Variants in EPPK1 observed in about 807,000 individuals in gnomAD.
EPPK1 encodes epiplakin 1, also known as epiplakin.
For missense variants in EPPK1, 3,823 were observed against 3,673.3 expected, an observed-to-expected ratio of 1.04 and a Z score of -1.05; for synonymous variants, 1,862 against 1,721.2, an observed-to-expected ratio of 1.08 and a Z score of -2.03.
chr8:143,867,068 C>T lies in EPPK1; in HGVS notation c.6186G>A (p.Lys2062=). The change falls in exon 2 of 2, where the codon AAG becomes AAA. Residue 2062 remains lysine, a synonymous_variant. Coordinates refer to ENST00000615648, the MANE Select transcript of EPPK1 (RefSeq NM_031308.4). ...TCTCCTGCAGCTCTCGGTACGAGAC[C>T]TTCTCTTGCGTGTTCGGGTCCACAA... ...KRFVDPNTQE[K]VSYRELQERC... 8 of 1,612,958 alleles carry T rather than the reference C, an allele frequency of 5.0e-6. No homozygotes were observed. Among genetic ancestry groups the T allele is most frequent in the Non-Finnish European group, 6.8e-6 (8 of 1,179,870 alleles).
chr8:143,878,404 G>GCCCGCACCCGCCGCACCTGC (rs1457228950), intron 1 of EPPK1, 34 bp downstream of exon 1: 6 of 67,420 alleles, frequency 8.9e-5, no homozygotes, highest in African/African-American at 3.0e-4. Context: ...GCCCGCACCC[G>GCCCGCACCCGCCGCACCTGC]CCGCACCCGC....
chr8:143,871,411 G>C lies in EPPK1; in HGVS notation c.1843C>G (p.Leu615Val). The C allele has an allele frequency of 6.2e-7, 1 of 1,604,784 alleles. No individual in the cohort carries two copies. Among genetic ancestry groups the C allele is most frequent in the Non-Finnish European group, 8.5e-7 (1 of 1,176,914 alleles). The change falls in exon 2 of 2, where the codon CTG becomes GTG. Residue 615 changes from leucine to valine, a missense_variant. By Grantham distance (32) the Leu-to-Val change is conservative. Coordinates refer to ENST00000615648, the MANE Select transcript of EPPK1 (RefSeq NM_031308.4). ...CGTTCCTGGGAGCCAGGGAGCAGCA[G>C]GCCAGCAATGCAGCCCGTACCCTGC... ...YLQGTGCIAG[L>V]LLPGSQERLS...
chr8:143,872,522 T>A lies in EPPK1; in HGVS notation c.732A>T (p.Ala244=). The A allele has an allele frequency of 6.2e-7, 1 of 1,600,692 alleles. No individual in the cohort carries two copies. The highest frequency in any genetic ancestry group is 1.1e-5 in the South Asian group (1 of 90,078). ...TFRSMGGAVS[A]AELLEVGILD... Reference sequence around the variant, plus strand: ...GGATGCCCACCTCCAGCAGCTCAGCTGCACTCACCGCCCCGCCCATGGAGC... The same window carrying A: ...GGATGCCCACCTCCAGCAGCTCAGCAGCACTCACCGCCCCGCCCATGGAGC... The change falls in exon 2 of 2, where the codon GCA becomes GCT. Residue 244 remains alanine (A), a synonymous_variant. Coordinates refer to ENST00000615648, the MANE Select transcript of EPPK1 (RefSeq NM_031308.4).
Position 143,869,491 on chromosome 8 carries a change from G to T in EPPK1, c.3763C>A (p.Pro1255Thr), listed in dbSNP as rs548952557. Reference protein sequence around the residue: ...TGCVAGVLLQPSGAKASIAQA... With the variant: ...TGCVAGVLLQTSGAKASIAQA... ...GCGATGCTGGCCTTGGCCCCAGAGG[G>T]CTGTAGCAGCACACCGGCCACGCAG... The change falls in exon 2 of 2, where the codon CCC (proline) becomes ACC (threonine). Residue 1255 changes from proline to threonine, a missense_variant. Pro to Thr is a conservative substitution (Grantham distance 38, BLOSUM62 -1). Coordinates refer to ENST00000615648, the MANE Select transcript of EPPK1 (RefSeq NM_031308.4). 12 of 1,548,338 alleles carry T rather than the reference G, an allele frequency of 7.8e-6. No homozygotes were observed. The South Asian group carries it at 1.2e-4, about 16-fold the overall frequency.
chr8:143,871,001 C>G lies in EPPK1; in HGVS notation c.2253G>C (p.Gln751His), dbSNP rs782682325. ...GGTCCAACAGGATCAAGTTCAGCATCTGATCGAAGTAGCCGCGCCGGTAGG... is the reference window on the plus strand; with the variant it reads ...GGTCCAACAGGATCAAGTTCAGCATGTGATCGAAGTAGCCGCGCCGGTAGG... The part of the protein sequence containing the change: ...DVAYRRGYFD[Q>H]MLNLILLDPS... Residue 751 changes from glutamine (Q) to histidine (H), a missense_variant, in exon 2 of 2, where the codon CAG (glutamine) becomes CAC (histidine). By Grantham distance (24) the Gln-to-His change is conservative. Coordinates refer to ENST00000615648, the MANE Select transcript of EPPK1 (RefSeq NM_031308.4). The G allele has an allele frequency of 6.2e-6, 10 of 1,613,266 alleles. No individual in the cohort carries two copies. In the African/African-American group the frequency reaches 1.1e-4, roughly 17 times the overall value.
Position 143,872,052 on chromosome 8 carries a change from G to T in EPPK1, c.1202C>A (p.Thr401Lys). Residue 401 changes from threonine (T) to lysine (K), a missense_variant, in exon 2 of 2, where the codon ACA becomes AAA. Transcript: ENST00000615648. ...GCGTGCTGGACAGACCAGCCCGCCT[G>T]TGGCCAGCTGGGCATCCAAGAGCCG... ...ALRLLDAQLA[T>K]GGLVCPARRL... 6.4e-6 allele frequency: 10 copies of T among 1,560,662 alleles called. No individual in the cohort carries two copies. Among genetic ancestry groups the T allele is most frequent in the Non-Finnish European group, 8.7e-6 (10 of 1,153,266 alleles).
At chr8:143,873,527 C>T (rs1025567256) in intron 1 of EPPK1, among the ~76,000 whole-genome samples, 12 of 152,190 alleles carry the variant, frequency 7.9e-5, no homozygotes, top group African/African-American at 2.2e-4. Context: ...CAGGCGGCGC[C>T]GGGAGGCCTC....
chr8:143,869,335 C>G lies in EPPK1; in HGVS notation c.3919G>C (p.Gly1307Arg), dbSNP rs782197111. ...TCACTCAGCTCCCTGCCCACCAGGC[C>G]GACCTTAACCGCGTCCTCCACTGAC... ...RLSVEDAVKV[G>R]LVGRELSEQL... Residue 1307 changes from glycine (G) to arginine (R), a missense_variant, in exon 2 of 2, where the codon GGC becomes CGC. By Grantham distance (125) the Gly-to-Arg change is moderately radical. Coordinates refer to ENST00000615648, the MANE Select transcript of EPPK1 (RefSeq NM_031308.4). The G allele has an allele frequency of 1.2e-6, 2 of 1,608,164 alleles. No individual in the cohort carries two copies. The highest frequency in any genetic ancestry group is 1.3e-5 in the African/African-American group (1 of 74,848).
Position 143,872,411 on chromosome 8 carries a change from C to T in EPPK1, c.843G>A (p.Leu281=). The T allele has an allele frequency of 6.2e-7, 1 of 1,602,034 alleles. No homozygotes were observed. The highest frequency in any genetic ancestry group is 8.5e-7 in the Non-Finnish European group (1 of 1,179,402). The part of the protein sequence containing the change: ...VSARAEVRRY[L]EGTGSVAGVV... Reference sequence around the variant, plus strand: ...CCCCGGCCACGCTGCCGGTACCCTCCAGGTAGCGCCGCACCTCGGCACGTG... The same window carrying T: ...CCCCGGCCACGCTGCCGGTACCCTCTAGGTAGCGCCGCACCTCGGCACGTG... The change falls in exon 2 of 2, where the codon CTG becomes CTA. Residue 281 remains leucine (L), a synonymous_variant. Transcript: ENST00000615648.
chr8:143,869,777 C>G lies in EPPK1; in HGVS notation c.3477G>C (p.Arg1159Ser), dbSNP rs782691144. The part of the protein sequence containing the change: ...SSCHFTEEQR[R>S]GLLEDVQEGR... ...CCTCCTGCACGTCCTCCAGCAGGCC[C>G]CTCCGTTGCTCCTCGGTGAAGTGGC... Residue 1159 changes from arginine (R) to serine (S), a missense_variant, in exon 2 of 2, where the codon AGG becomes AGC. Physicochemically the swap from Arg to Ser is moderately radical, Grantham distance 110. Coordinates refer to ENST00000615648, the MANE Select transcript of EPPK1 (RefSeq NM_031308.4). The G allele has an allele frequency of 5.0e-6, 8 of 1,605,024 alleles. No homozygotes were observed. In the African/African-American group the frequency reaches 6.7e-5, roughly 13 times the overall value.
Position 143,870,825 on chromosome 8 carries a change from G to A in EPPK1, c.2429C>T (p.Thr810Ile). ...STQSPLVDSATQQAFQNLLLS... is the reference protein window; with the variant it reads ...STQSPLVDSAIQQAFQNLLLS... ...CAGCAGGTTCTGGAAGGCCTGCTGG[G>A]TGGCACTGTCCACCAGCGGGGACTG... The change falls in exon 2 of 2, where the codon ACC (threonine) becomes ATC (isoleucine). Residue 810 changes from threonine to isoleucine, a missense_variant. Coordinates refer to ENST00000615648, the MANE Select transcript of EPPK1 (RefSeq NM_031308.4). The surrounding 1 kb of genome is among the most constrained non-coding windows in gnomAD (Gnocchi z 5.2). 1 of 1,612,848 alleles carries A rather than the reference G, an allele frequency of 6.2e-7. No homozygotes were observed. Among genetic ancestry groups the A allele is most frequent in the Non-Finnish European group, 8.5e-7 (1 of 1,179,882 alleles).
rs1468036590 is a variant in EPPK1, at chr8:143,867,464, C to T, written c.5790G>A (p.Leu1930=). Residue 1930 remains leucine (L), a synonymous_variant, in exon 2 of 2, where the codon CTG becomes CTA. Transcript: ENST00000615648. ...ACCCGGTGGCGGCCTGCGCCTCCAG[C>T]AGCCAAGTCGCAAATGCTGCAGGGA... ...ELIPAAFATW[L]LEAQAATGFL... 1.9e-6 allele frequency: 3 copies of T among 1,612,564 alleles called. No individual in the cohort carries two copies. The highest frequency in any genetic ancestry group is 2.5e-6 in the Non-Finnish European group (3 of 1,179,856).
chr8:143,868,614 A>G lies in EPPK1; in HGVS notation c.4640T>C (p.Leu1547Pro), dbSNP rs557769989. 109 of 1,599,730 alleles carry G rather than the reference A, an allele frequency of 6.8e-5. No homozygotes were observed. The South Asian group carries it at 1.2e-3, about 17-fold the overall frequency. ...CTTCACAGTCGTTGTCCCCTGGCTC[A>G]GCTCGTCCAGCGTCTTCCTGCTGAT... ...QLISRKTLDE[L>P]SQGTTTVKEV... Residue 1547 changes from leucine (L) to proline (P), a missense_variant, in exon 2 of 2, where the codon CTG (leucine) becomes CCG (proline). By Grantham distance (98) the Leu-to-Pro change is moderately conservative. Transcript: ENST00000615648.
At position 143,866,424 on chromosome 8, in the gene EPPK1, C is replaced by T. The variant is rs1374738288; in HGVS notation, c.6830G>A (p.Arg2277His). 7.8e-5 allele frequency: 96 copies of T among 1,234,566 alleles called. No individual in the cohort carries two copies. Among genetic ancestry groups the T allele is most frequent in the Middle Eastern group, 5.5e-4 (2 of 3,606 alleles). 76.5% of individuals were successfully genotyped at this position (1,234,566 alleles called of 1,614,324 possible). The change falls in exon 2 of 2, where the codon CGC becomes CAC. Residue 2277 changes from arginine to histidine, a missense_variant. Physicochemically the swap from Arg to His is conservative, Grantham distance 29 (BLOSUM62 0). Coordinates refer to ENST00000615648, the MANE Select transcript of EPPK1 (RefSeq NM_031308.4). The part of the protein sequence containing the change: ...AATGFVIDPV[R>H]NLRLSVEEAV... ...CTCCTCCACCGACAGCCTCAGGTTG[C>T]GCACGGGGTCGATGACGAAGCCGGT...
chr8:143,877,938 C>G (rs1554662513), intron 1 of EPPK1, among the ~76,000 whole-genome samples: 1 of 152,096 alleles, frequency 6.6e-6, no homozygotes, highest in South Asian at 2.1e-4. Context: ...CCCCTGGGAC[C>G]GCTCACCCAA....
rs782195229 is a variant in EPPK1, at chr8:143,868,999, C to T, written c.4255G>A (p.Glu1419Lys). ...GTCTCGGAGTCGCACACGCAGCGCTCCCTGAGCTGCTGGTAGGTCACCTGG... is the reference window on the plus strand; with the variant it reads ...GTCTCGGAGTCGCACACGCAGCGCTTCCTGAGCTGCTGGTAGGTCACCTGG... ...RDQVTYQQLR[E>K]RCVCDSETGL... Residue 1419 changes from glutamate to lysine, a missense_variant, in exon 2 of 2, where the codon GAG (glutamate) becomes AAG (lysine). By Grantham distance (56) the Glu-to-Lys change is moderately conservative. Transcript: ENST00000615648. The T allele has an allele frequency of 1.2e-6, 2 of 1,610,350 alleles. No homozygotes were observed. Among genetic ancestry groups the T allele is most frequent in the Non-Finnish European group, 1.7e-6 (2 of 1,179,850 alleles).
At position 143,870,456 on chromosome 8, in the gene EPPK1, C is replaced by T. The variant is rs1554660784; in HGVS notation, c.2798G>A (p.Gly933Asp). The T allele has an allele frequency of 3.1e-6, 5 of 1,601,504 alleles. No homozygotes were observed. The highest frequency in any genetic ancestry group is 2.2e-5 in the East Asian group (1 of 44,808). Residue 933 changes from glycine to aspartate, a missense_variant, in exon 2 of 2, where the codon GGC becomes GAC. By Grantham distance (94) the Gly-to-Asp change is moderately conservative. Coordinates refer to ENST00000615648, the MANE Select transcript of EPPK1 (RefSeq NM_031308.4). This position sits in a 1 kb window ranked among gnomAD's most constrained non-coding sequence, Gnocchi z 5.2. ...RRYLCGLGAV[G>D]GVRLLPSGQR... ...GCCAGAGGGCAGCAGCCGCACACCGCCCACAGCTCCCAGGCCGCACAGGTA... is the reference window on the plus strand; with the variant it reads ...GCCAGAGGGCAGCAGCCGCACACCGTCCACAGCTCCCAGGCCGCACAGGTA...
intron 1 of EPPK1, among the ~76,000 whole-genome samples, chr8:143,877,845 G>C (rs1241314909): frequency 6.6e-6 from 1 of 152,000 alleles, no homozygotes; most frequent in Non-Finnish European, 1.5e-5. Flanking sequence ...CTGGGCCCAA[G>C]TGATGAACAG....
chr8:143,866,917 C>A lies in EPPK1; in HGVS notation c.6337G>T (p.Gly2113Ter). 6.2e-7 allele frequency: 1 copy of A among 1,613,028 alleles called. No individual in the cohort carries two copies. Among genetic ancestry groups the A allele is most frequent in the Non-Finnish European group, 8.5e-7 (1 of 1,179,870 alleles). Residue 2113 changes from glycine to a stop codon, truncating the protein, a stop_gained, in exon 2 of 2, where the codon GGA (glycine) becomes TGA (stop). Coordinates refer to ENST00000615648, the MANE Select transcript of EPPK1 (RefSeq NM_031308.4). LOFTEE classifies it low-confidence loss of function (END_TRUNC). ...LEAEQVEITV[G>*]RFRGQKPTLW... ...GTTGGTTTCTGGCCTCTGAACCTTC[C>A]CACTGTGATTTCCACTTGCTCTGCC... is the stretch of plus-strand genomic sequence containing the variant.
Sources: gnomAD v4.1 joint callset for allele counts (sites outside exome capture counted in the v4.1 genomes callset) on GRCh38, gnomAD v4.1.1 for gene constraint, Gnocchi (gnomAD v3.1) non-coding constraint, MANE v1.5 for transcripts, NCBI Gene and HGNC (gene_info 2026-07-23, HGNC 2026-07-21) for gene names.